SYDE1: variants seen among roughly 807,000 people sequenced by gnomAD.
SYDE1 encodes synapse defective Rho GTPase activating protein 1, also known as rho GTPase-activating protein SYDE1.
In SYDE1, 34 loss-of-function variants were observed where a neutral mutation model predicts 63.3. That is an observed-to-expected ratio of 0.54 (90% CI 0.41 to 0.71). The LOEUF (loss-of-function observed/expected upper bound fraction) is 0.71, where lower values mean the gene tolerates loss of function less well. Among genes scored for constraint, SYDE1 ranks in the 30% least tolerant of loss-of-function variants. The pLI, the probability that SYDE1 is intolerant of heterozygous loss-of-function variation, is 0.00. For synonymous variants in SYDE1, 467 were observed against 473.4 expected (o/e 0.99, Z 0.18); for missense variants, 925 against 1,042.5 (o/e 0.89, Z 1.55).
At chr19:15,113,365 T>G (rs1173326178) in intron 7 of SYDE1, among the ~76,000 whole-genome samples, 195 bp from the exon 8 acceptor site, 1 of 152,222 alleles carries the variant, frequency 6.6e-6, no homozygotes, top group Admixed American at 6.5e-5. Flanking sequence ...CCATCTTTGA[T>G]GCAGTCAGAG....
At position 15,110,635 on chromosome 19, in the gene SYDE1, G is replaced by A. The variant is rs1293152125; in HGVS notation, c.1190G>A (p.Gly397Glu). The change falls in exon 4 of 8, where the codon GGG (glycine) becomes GAG (glutamate). Residue 397 changes from glycine (G) to glutamate (E), a missense_variant. By Grantham distance (98) the Gly-to-Glu change is moderately conservative. This residue lies in a region of SYDE1 where 599 missense variants were observed against 653.7 expected (regional missense o/e 0.92). Coordinates refer to ENST00000342784, the MANE Select transcript of SYDE1 (RefSeq NM_033025.6). This position sits in a 1 kb window ranked among gnomAD's most constrained non-coding sequence, Gnocchi z 6.9. ...APATAEPRVF[G>E]LPLPLLVERE... ...GCCACAGCTGAGCCCCGCGTCTTTG[G>A]GCTGCCCCTGCCACTGCTGGTGGAG... 1 of 1,587,990 alleles carries A rather than the reference G, an allele frequency of 6.3e-7. No homozygotes were observed. Among genetic ancestry groups the A allele is most frequent in the Non-Finnish European group, 8.6e-7 (1 of 1,168,890 alleles).
chr19:15,112,405 C>A lies in SYDE1; in HGVS notation c.1638C>A (p.Asn546Lys). The A allele has an allele frequency of 6.3e-7, 1 of 1,599,162 alleles. No homozygotes were observed. Among genetic ancestry groups the A allele is most frequent in the Admixed American group, 1.7e-5 (1 of 57,376 alleles). The change falls in exon 7 of 8, where the codon AAC becomes AAA. Residue 546 changes from asparagine (N) to lysine (K), a missense_variant. Physicochemically the swap from Asn to Lys is moderately conservative, Grantham distance 94. This residue lies in a region of SYDE1 where 71 missense variants were observed against 132.8 expected (regional missense o/e 0.53). Coordinates refer to ENST00000342784, the MANE Select transcript of SYDE1 (RefSeq NM_033025.6). ...TCGTCTCCTCCTTCCATGCCTACAA[C>A]CGCATGACCCCACAGAACTTGGCCG... ...LRLVSSFHAY[N>K]RMTPQNLAVC...
chr19:15,112,304 G>T, intron 6 of SYDE1, 42 bp from the exon 7 acceptor site: 1 of 1,422,770 alleles, frequency 7.0e-7, no homozygotes, highest in Non-Finnish European at 9.6e-7. Flanking sequence ...TGCCACAGGG[G>T]CCTGACTTTG....
rs1353677036 is a variant in SYDE1 at position 15,110,003 on chromosome 19, T to A, written c.730T>A (p.Ser244Thr). The change falls in exon 3 of 8, where the codon TCA becomes ACA. Residue 244 changes from serine (S) to threonine (T), a missense_variant. This residue lies in a region of SYDE1 where 599 missense variants were observed against 653.7 expected (regional missense o/e 0.92). Transcript: ENST00000342784. The surrounding 1 kb of genome is among the most constrained non-coding windows in gnomAD (Gnocchi z 6.9). ...ACCGGAGCGCCCAGCTGGGCCCCCA[T>A]CACCCACCTCCTTCCGGCCCTACGA... ...DSPERPAGPPSPTSFRPYEVG... is the reference protein window; with the variant it reads ...DSPERPAGPPTPTSFRPYEVG... 3 of 1,496,244 alleles carry A rather than the reference T, an allele frequency of 2.0e-6. No individual in the cohort carries two copies. The highest frequency in any genetic ancestry group is 2.2e-5 in the Admixed American group (1 of 45,000). The allele number at this position is 1,496,244 out of a possible 1,614,324, so 92.7% of individuals were successfully genotyped here.
chr19:15,111,891 G>A lies in SYDE1; in HGVS notation c.1578+99G>A. The A allele has an allele frequency of 8.3e-7, 1 of 1,210,166 alleles. No individual in the cohort carries two copies. The highest frequency in any genetic ancestry group is 1.1e-6 in the Non-Finnish European group (1 of 877,852). 75.0% of individuals were successfully genotyped at this position (1,210,166 alleles called of 1,614,324 possible). A position where few individuals can be genotyped will look rare whatever the true frequency, so the allele number is the denominator to read the frequency against. ...GGCCTGAGATGGGCATGAGCTGGCA[G>A]CATCATCATATCCCCAAGAAATAGG... On this transcript the variant is annotated intron_variant, in intron 6 of 7. Transcript: ENST00000342784. This position sits in a 1 kb window ranked among gnomAD's most constrained non-coding sequence, Gnocchi z 5.5.
intron 7 of SYDE1, 41 bp from the exon 8 acceptor site, chr19:15,113,519 G>A (rs1400143969): frequency 6.6e-7 from 1 of 1,504,956 alleles, no homozygotes. Context: ...ATCAGAGGTC[G>A]GCTGTCGCCT....
In SYDE1 at chr19:15,110,081, C is replaced by A; in HGVS notation, c.808C>A (p.Leu270Met). 6.8e-7 allele frequency: 1 copy of A among 1,481,088 alleles called. No homozygotes were observed. Among genetic ancestry groups the A allele is most frequent in the Non-Finnish European group, 8.9e-7 (1 of 1,123,862 alleles). 91.7% of individuals were successfully genotyped at this position (1,481,088 alleles called of 1,614,324 possible). A position where few individuals can be genotyped will look rare whatever the true frequency, so the allele number is the denominator to read the frequency against. Residue 270 changes from leucine to methionine, a missense_variant, in exon 3 of 8, where the codon CTG (leucine) becomes ATG (methionine). By Grantham distance (15) the Leu-to-Met change is conservative. Transcript: ENST00000342784. The surrounding 1 kb of genome is among the most constrained non-coding windows in gnomAD (Gnocchi z 6.9). ...PPAALWGRLSLHLYGLGGLRP... is the reference protein window; with the variant it reads ...PPAALWGRLSMHLYGLGGLRP... ...GGCCGCACTCTGGGGCCGCCTCAGC[C>A]TGCACCTGTACGGTCTCGGGGGGCT...
Position 15,114,092 on chromosome 19 carries a change from G to C in SYDE1, c.*129G>C. On this transcript the variant is annotated 3_prime_UTR_variant, in exon 8 of 8. Transcript: ENST00000342784. The stretch of plus-strand genomic sequence containing the variant: ...CTCCTGGTTGCCAGCGAGTTACCAC[G>C]GGACCAGTCGCGTGTATGGCTGAGA... 1.1e-6 allele frequency: 1 copy of C among 905,200 alleles called. No individual in the cohort carries two copies. The highest frequency in any genetic ancestry group is 1.7e-6 in the Non-Finnish European group (1 of 591,188). 56.1% of individuals were successfully genotyped at this position (905,200 alleles called of 1,614,324 possible).
chr19:15,109,670 G>C lies in SYDE1; in HGVS notation c.431-34G>C, dbSNP rs1202746336. 1.4e-6 allele frequency: 2 copies of C among 1,407,860 alleles called. No individual in the cohort carries two copies. The highest frequency in any genetic ancestry group is 1.9e-6 in the Non-Finnish European group (2 of 1,067,484). The allele number at this position is 1,407,860 out of a possible 1,614,324, so 87.2% of individuals were successfully genotyped here. ...GCCTCACCCCCCTCCCCTAAGCCCA[G>C]GTTCCTGGACCCTGAAGTCTGCTCT... On this transcript the variant is annotated intron_variant, in intron 2 of 7. Transcript: ENST00000342784. This position sits in a 1 kb window ranked among gnomAD's most constrained non-coding sequence, Gnocchi z 5.0.
chr19:15,113,924 G>GGA lies in SYDE1; in HGVS notation c.2177_2178dup (p.Leu727SerfsTer34). On this transcript the variant is annotated frameshift_variant, in exon 8 of 8. Coordinates refer to ENST00000342784, the MANE Select transcript of SYDE1 (RefSeq NM_033025.6). LOFTEE classifies it high-confidence loss of function. Reference sequence around the variant, plus strand: ...ACTTCGACGCCCTCATCCTGGATCTGGAGAGAGAGCTCTCCAAGCAAATCA... The same window carrying GGA: ...ACTTCGACGCCCTCATCCTGGATCTGGAGAGAGAGAGCTCTCCAAGCAAATCA... 6.2e-7 allele frequency: 1 copy of GGA among 1,613,940 alleles called. No individual in the cohort carries two copies. The highest frequency in any genetic ancestry group is 8.5e-7 in the Non-Finnish European group (1 of 1,179,988).
chr19:15,112,953 G>C (rs2046354756), intron 7 of SYDE1, among the ~76,000 whole-genome samples: 1 of 152,012 alleles, frequency 6.6e-6, no homozygotes, highest in South Asian at 2.1e-4. Context: ...AGCCCAGGCT[G>C]GGGTGTGGTG....
Position 15,108,533 on chromosome 19 carries a change from G to A in SYDE1, c.89-523G>A, listed in dbSNP as rs2145320351. 6.6e-6 allele frequency among the ~76,000 whole-genome samples: 1 copy of A among 152,278 alleles called. No individual in the cohort carries two copies. Among genetic ancestry groups the A allele is most frequent in the East Asian group, 1.9e-4 (1 of 5,190 alleles). On this transcript the variant is annotated intron_variant, in intron 1 of 7. Coordinates refer to ENST00000342784, the MANE Select transcript of SYDE1 (RefSeq NM_033025.6). This position sits in a 1 kb window ranked among gnomAD's most constrained non-coding sequence, Gnocchi z 4.3. ...GTAAAAGGGGCAGGGGACTGGGAGTGACTGTGCTGCAGGGAATAGAAAACC... is the reference window on the plus strand; with the variant it reads ...GTAAAAGGGGCAGGGGACTGGGAGTAACTGTGCTGCAGGGAATAGAAAACC...
chr19:15,109,294 G>C lies in SYDE1; in HGVS notation c.327G>C (p.Glu109Asp), dbSNP rs148884509. 1.2e-3 allele frequency: 1,983 copies of C among 1,613,676 alleles called. No homozygotes were observed. The highest frequency in any genetic ancestry group is 1.8e-3 in the Admixed American group (108 of 59,958). The change falls in exon 2 of 8, where the codon GAG becomes GAC. Residue 109 changes from glutamate (E) to aspartate (D), a missense_variant. Transcript: ENST00000342784. This position sits in a 1 kb window ranked among gnomAD's most constrained non-coding sequence, Gnocchi z 5.0. The stretch of plus-strand genomic sequence containing the variant: ...CTGGCACTGGGGAGCCCGCCGGCGA[G>C]ATCTGGTACAACCCCATCCCTGAGG... Reference protein sequence around the residue: ...GVPGTGEPAGEIWYNPIPEED... With the variant: ...GVPGTGEPAGDIWYNPIPEED...
At position 15,108,980 on chromosome 19, in the gene SYDE1, C is replaced by T; in HGVS notation, c.89-76C>T. 1.4e-6 allele frequency: 2 copies of T among 1,424,958 alleles called. No individual in the cohort carries two copies. The highest frequency in any genetic ancestry group is 3.0e-5 in the South Asian group (2 of 66,432). 88.3% of individuals were successfully genotyped at this position (1,424,958 alleles called of 1,614,324 possible). A position where few individuals can be genotyped will look rare whatever the true frequency, so the allele number is the denominator to read the frequency against. On this transcript the variant is annotated intron_variant, in intron 1 of 7. Transcript: ENST00000342784. The surrounding 1 kb of genome is among the most constrained non-coding windows in gnomAD (Gnocchi z 4.3). ...CCAGGGCCGTACACAGCATCCCACC[C>T]ACTGATCAATTGCACAGGGCTGCTC...
At chr19:15,107,626 C>T in intron 1 of SYDE1, 105 bp downstream of exon 1, 1 of 685,838 alleles carries the variant, frequency 1.5e-6, no homozygotes, top group South Asian at 1.8e-5. Flanking sequence ...AGGGGGAGCC[C>T]CCCGCACCCC....
rs781778183 is a variant in SYDE1, at chr19:15,110,725, G to A, written c.1280G>A (p.Arg427Gln). 6.4e-7 allele frequency: 1 copy of A among 1,553,884 alleles called. No homozygotes were observed. The highest frequency in any genetic ancestry group is 8.7e-7 in the Non-Finnish European group (1 of 1,152,292). The change falls in exon 4 of 8, where the codon CGA becomes CAA. Residue 427 changes from arginine (R) to glutamine (Q), a missense_variant. Physicochemically the swap from Arg to Gln is conservative, Grantham distance 43. Transcript: ENST00000342784. This position sits in a 1 kb window ranked among gnomAD's most constrained non-coding sequence, Gnocchi z 6.9. ...IQKCVGQIER[R>Q]GLRVVGLYRL... ...AAGTGCGTTGGGCAGATCGAGCGCC[G>A]AGGGCTGCGGGTGAGCACCCACCCC...
intron 7 of SYDE1, among the ~76,000 whole-genome samples, chr19:15,113,331 C>G (rs181649706): frequency 6.6e-6 from 1 of 152,212 alleles, no homozygotes; most frequent in Non-Finnish European, 1.5e-5. Flanking sequence ...ATGATCCAGG[C>G]ATGATCCACA....
chr19:15,109,040 C>A lies in SYDE1; in HGVS notation c.89-16C>A. On this transcript the variant is annotated splice_polypyrimidine_tract_variant and intron_variant, in intron 1 of 7. Coordinates refer to ENST00000342784, the MANE Select transcript of SYDE1 (RefSeq NM_033025.6). This position sits in a 1 kb window ranked among gnomAD's most constrained non-coding sequence, Gnocchi z 5.0. ...TGAGGGGCTGGGTGGGTCTCACTCC[C>A]CTTGCTCTCTGCCAGGCCACCCAGC... 6.8e-7 allele frequency: 1 copy of A among 1,469,846 alleles called. No individual in the cohort carries two copies. The highest frequency in any genetic ancestry group is 9.0e-7 in the Non-Finnish European group (1 of 1,117,208). 91.1% of individuals were successfully genotyped at this position (1,469,846 alleles called of 1,614,324 possible).
chr19:15,109,854 C>G lies in SYDE1; in HGVS notation c.581C>G (p.Ala194Gly). 1 of 1,529,690 alleles carries G rather than the reference C, an allele frequency of 6.5e-7. No individual in the cohort carries two copies. The highest frequency in any genetic ancestry group is 8.7e-7 in the Non-Finnish European group (1 of 1,143,350). The allele number at this position is 1,529,690 out of a possible 1,614,324, so 94.8% of individuals were successfully genotyped here. The change falls in exon 3 of 8, where the codon GCT becomes GGT. Residue 194 changes from alanine to glycine, a missense_variant. Physicochemically the swap from Ala to Gly is moderately conservative, Grantham distance 60. Coordinates refer to ENST00000342784, the MANE Select transcript of SYDE1 (RefSeq NM_033025.6). The surrounding 1 kb of genome is among the most constrained non-coding windows in gnomAD (Gnocchi z 5.0). ...GPRAGRERER[A>G]APAGSVISRY... Reference sequence around the variant, plus strand: ...CGGGCTGGCAGGGAGCGCGAGAGGGCTGCCCCTGCGGGCTCCGTCATCAGC... The same window carrying G: ...CGGGCTGGCAGGGAGCGCGAGAGGGGTGCCCCTGCGGGCTCCGTCATCAGC...
Sources: allele counts gnomAD v4.1 joint callset (sites outside exome capture counted in the v4.1 genomes callset), GRCh38; gene constraint gnomAD v4.1.1; regional missense constraint gnomAD v4.1.1; non-coding constraint Gnocchi (gnomAD v3.1); transcripts MANE v1.5; gene names NCBI Gene and HGNC (gene_info 2026-07-23, HGNC 2026-07-21).